The following FASTKD1 variants were observed in gnomAD, a reference collection of about 807,000 sequenced individuals.
FASTKD1 encodes the protein FAST kinase domain-containing protein 1, mitochondrial.
A neutral mutation model predicts 90.9 loss-of-function variants in FASTKD1; 94 were observed. That is an observed-to-expected ratio of 1.03 (90% CI 0.88 to 1.23). FASTKD1 has a LOEUF of 1.23. Among genes scored for constraint, FASTKD1 ranks in the 50% most tolerant of loss-of-function variants. The pLI, the probability that FASTKD1 is intolerant of heterozygous loss-of-function variation, is 0.00. For synonymous variants in FASTKD1, 319 were observed against 345.8 expected (o/e 0.92, Z 0.86); for missense variants, 945 against 993.5 (o/e 0.95, Z 0.66).
intron 13 of FASTKD1, 100 bp downstream of exon 13, chr2:169,531,252 C>T (rs373568644): frequency 5.3e-4 from 654 of 1,237,050 alleles, no homozygotes; most frequent in Non-Finnish European, 7.0e-4. Context: ...ATATGAGGAA[C>T]AGATTCCACT....
chr2:169,543,839 G>T (rs1685067746), intron 9 of FASTKD1, among the ~76,000 whole-genome samples: 2 of 150,708 alleles, frequency 1.3e-5, no homozygotes, highest in Non-Finnish European at 3.0e-5. Context: ...TCAATGCCAA[G>T]AAAAGAAAAA....
chr2:169,540,206 A>C, intron 9 of FASTKD1, 27 bp from the exon 10 acceptor site: 1 of 1,516,880 alleles, frequency 6.6e-7, no homozygotes, highest in African/African-American at 1.4e-5. Flanking sequence ...ATTTTTTTAA[A>C]GGTATAGCTG....
At chr2:169,563,196 A>G in intron 4 of FASTKD1, 29 bp downstream of exon 4, 6 of 1,602,694 alleles carry the variant, frequency 3.7e-6, no homozygotes, top group Non-Finnish European at 5.1e-6. Context: ...TCTTTCCACC[A>G]CAACACAAGA....
At chr2:169,530,767 T>C in intron 13 of FASTKD1, 66 bp from the exon 14 acceptor site, 1 of 857,196 alleles carries the variant, frequency 1.2e-6, no homozygotes, top group Non-Finnish European at 1.9e-6. Flanking sequence ...TACAAGCTTT[T>C]CAGAAACAAG....
chr2:169,555,056 T>C (rs1372103846), intron 7 of FASTKD1, 68 bp downstream of exon 7: 6 of 1,468,186 alleles, frequency 4.1e-6, no homozygotes, highest in Admixed American at 4.0e-5. Context: ...CCACTGTACA[T>C]AGTTAAACAA....
intron 3 of FASTKD1, among the ~76,000 whole-genome samples, chr2:169,566,533 G>A (rs764984249): frequency 7.2e-5 from 11 of 152,032 alleles, no homozygotes; most frequent in South Asian, 4.1e-4. Flanking sequence ...GCAACATGGC[G>A]AAATCCCATC....
In FASTKD1 at chr2:169,572,006, T is replaced by C; in HGVS notation, c.24A>G (p.Leu8=). 1.3e-6 allele frequency: 2 copies of C among 1,578,598 alleles called. No homozygotes were observed. The highest frequency in any genetic ancestry group is 1.4e-5 in the African/African-American group (1 of 73,310). ...GAAGCATATTTGTAACCAATGACTC[T>C]AGGAAAACAGGTGTTTTTTTCATTT... MKKTPVF[L]ESLVTNMLRL... The change falls in exon 2 of 15, where the codon CTA becomes CTG. Residue 8 remains leucine, a synonymous_variant. Transcript: ENST00000453153.
chr2:169,558,670 C>T (rs1421659167), intron 5 of FASTKD1, among the ~76,000 whole-genome samples: 3 of 152,034 alleles, frequency 2.0e-5, no homozygotes, highest in Admixed American at 6.5e-5. Context: ...AGGCTGGTCT[C>T]GAACTCCTGA....
intron 12 of FASTKD1, among the ~76,000 whole-genome samples, chr2:169,535,461 TTTA>T (rs1553535174): frequency 1.9e-3 from 187 of 97,182 alleles, no homozygotes; most frequent in Admixed American, 3.9e-3. Context: ...TATTTATTTA[TTTA>T]TTATTTGTTT....
At chr2:169,544,950 A>G (rs1181663058) in intron 8 of FASTKD1, 115 bp from the exon 9 acceptor site, 1 of 592,588 alleles carries the variant, frequency 1.7e-6, no homozygotes, top group Non-Finnish European at 3.0e-6. Context: ...GTTAAATAAT[A>G]AATGTATCAC....
Position 169,567,464 on chromosome 2 carries a change from G to A in FASTKD1, c.446+1720C>T, listed in dbSNP as rs1327649958. Among the ~76,000 whole-genome samples, 6 of 152,130 alleles carry A rather than the reference G, an allele frequency of 3.9e-5. No homozygotes were observed. The South Asian group carries it at 1.2e-3, about 32-fold the overall frequency. On this transcript the variant is annotated intron_variant, in intron 3 of 14. Transcript: ENST00000453153. The stretch of plus-strand genomic sequence containing the variant: ...CCCTCAATATACTTATAGGTAGAGA[G>A]TATAAAAGAAGACAGATGGGTTTAG...
At chr2:169,551,989 C>T (rs1574390973) in intron 7 of FASTKD1, among the ~76,000 whole-genome samples, 2 of 152,210 alleles carry the variant, frequency 1.3e-5, no homozygotes, top group South Asian at 2.1e-4. Flanking sequence ...TACATGAAAA[C>T]TCTGGGTTCT....
chr2:169,569,282 A>C (rs751119324), intron 2 of FASTKD1, 30 bp from the exon 3 acceptor site: 1 of 1,595,620 alleles, frequency 6.3e-7, no homozygotes, highest in South Asian at 1.1e-5. Flanking sequence ...TCCTCCATAC[A>C]TAATCATTTT....
Position 169,560,562 on chromosome 2 carries a change from C to A in FASTKD1, c.796G>T (p.Asp266Tyr). The A allele has an allele frequency of 6.2e-7, 1 of 1,604,196 alleles. No individual in the cohort carries two copies. Residue 266 changes from aspartate to tyrosine, a missense_variant, in exon 5 of 15, where the codon GAT becomes TAT. Asp to Tyr is a radical substitution (Grantham distance 160, BLOSUM62 -3). Coordinates refer to ENST00000453153, the MANE Select transcript of FASTKD1 (RefSeq NM_024622.6). ...ACACTAAGTATTTTACTGATGGAAT[C>A]CAAATCAAGGTGGTCCACATTACTT... The part of the protein sequence containing the change: ...FLSNVDHLDL[D>Y]SISKILSVYK...
rs960505738 is a variant in FASTKD1, at chr2:169,545,847, T to C, written c.1701+371A>G. ...AATACTGTAATGAACCAAAGAATGA[T>C]TGCTGATCTTTCCAAATCTACAATG... On this transcript the variant is annotated intron_variant, in intron 8 of 14. Transcript: ENST00000453153. 1.2e-4 allele frequency among the ~76,000 whole-genome samples: 19 copies of C among 152,304 alleles called. No individual in the cohort carries two copies. In the South Asian group the frequency reaches 3.7e-3, roughly 30 times the overall value.
chr2:169,538,493 A>G (rs925781839), intron 10 of FASTKD1, among the ~76,000 whole-genome samples: 2 of 152,046 alleles, frequency 1.3e-5, no homozygotes, highest in South Asian at 2.1e-4. Context: ...CCTGACCAAC[A>G]TGGAGAAACC....
intron 4 of FASTKD1, among the ~76,000 whole-genome samples, chr2:169,561,931 G>GTTAATTTATTATAAATTAATTA (rs1446591991): frequency 4.5e-5 from 6 of 134,224 alleles, no homozygotes; most frequent in African/African-American, 1.7e-4. Context: ...TCAATTATTT[G>GTTAATTTATTATAAATTAATTA]TTAATTTATT....
intron 5 of FASTKD1, among the ~76,000 whole-genome samples, chr2:169,559,119 C>A (rs768803191): frequency 6.6e-6 from 1 of 151,620 alleles, no homozygotes; most frequent in Non-Finnish European, 1.5e-5. Context: ...GGACTACAGG[C>A]GCTGCCATCA....
intron 7 of FASTKD1, among the ~76,000 whole-genome samples, chr2:169,547,942 G>T (rs1247699326): frequency 8.3e-6 from 1 of 119,990 alleles, no homozygotes; most frequent in African/African-American, 3.0e-5. Flanking sequence ...AAAGATGACA[G>T]GTCCATAAAG....
Sources: allele counts gnomAD v4.1 joint callset (sites outside exome capture counted in the v4.1 genomes callset), GRCh38; gene constraint gnomAD v4.1.1; transcripts MANE v1.5; gene names NCBI Gene and HGNC (gene_info 2026-07-23, HGNC 2026-07-21).